The following NUP188 variants were observed in gnomAD, a reference collection of about 807,000 sequenced individuals.
NUP188 encodes nucleoporin NUP188.
NUP188 carries 97 observed loss-of-function variants against 223.0 expected under a neutral mutation model. The ratio of observed to expected loss-of-function variants is 0.43; its 90% confidence interval spans 0.37 to 0.51. The LOEUF is 0.51. Among genes scored for constraint, NUP188 ranks in the 20% least tolerant of loss-of-function variants. The pLI is 0.00. For missense variants in NUP188, 1,947 were observed against 2,175.6 expected (o/e 0.89, Z 2.09); for synonymous variants, 869 against 828.0 (o/e 1.05, Z -0.85).
intron 1 of NUP188, 57 bp downstream of exon 1, chr9:128,947,808 C>A: frequency 7.5e-7 from 1 of 1,330,002 alleles, no homozygotes. Flanking sequence ...CAAAGCCGAG[C>A]GGAAGCGGGG....
At chr9:128,972,444 A>T (rs994148721) in intron 11 of NUP188, among the ~76,000 whole-genome samples, 1 of 152,218 alleles carries the variant, frequency 6.6e-6, no homozygotes, top group South Asian at 2.1e-4. Context: ...GTGGAGCAGG[A>T]GGTCTGAATT....
At chr9:128,990,021 C>T in intron 24 of NUP188, 99 bp from the exon 25 acceptor site, 1 of 906,840 alleles carries the variant, frequency 1.1e-6, no homozygotes, top group Non-Finnish European at 1.8e-6. Flanking sequence ...AGGGTAAATT[C>T]CTTCACATAC....
chr9:129,006,100 G>A lies in NUP188; in HGVS notation c.4920G>A (p.Gln1640=). Residue 1640 remains glutamine, a synonymous_variant, in exon 42 of 44, where the codon CAG becomes CAA. Coordinates refer to ENST00000372577, the MANE Select transcript of NUP188 (RefSeq NM_015354.3). Reference sequence around the variant, plus strand: ...CCCAGGCAGTGGGGCTCAGCACACAGGCAGAAGGGACCAGGACGTTAAAGT... The same window carrying A: ...CCCAGGCAGTGGGGCTCAGCACACAAGCAGAAGGGACCAGGACGTTAAAGT... ...PLTQAVGLST[Q]AEGTRTLKSL... is the part of the protein sequence containing the mutation. 2 of 1,614,192 alleles carry A rather than the reference G, an allele frequency of 1.2e-6. No homozygotes were observed. The highest frequency in any genetic ancestry group is 2.2e-5 in the South Asian group (2 of 91,088).
rs750496557 is a variant in NUP188 at position 128,986,697 on chromosome 9, G to C, written c.2197+19G>C. The C allele has an allele frequency of 9.3e-6, 15 of 1,614,058 alleles. No individual in the cohort carries two copies. The highest frequency in any genetic ancestry group is 1.7e-5 in the Admixed American group (1 of 60,016). ...CAGATTGGTAAGGACAGCATGGGCA[G>C]GGAAGACCTGGGGATTTCTGGCCCC... On this transcript the variant is annotated intron_variant, in intron 21 of 43. Coordinates refer to ENST00000372577, the MANE Select transcript of NUP188 (RefSeq NM_015354.3).
At chr9:128,986,050 A>G (rs1032241708) in intron 20 of NUP188, among the ~76,000 whole-genome samples, 1 of 152,174 alleles carries the variant, frequency 6.6e-6, no homozygotes, top group Admixed American at 6.5e-5. Flanking sequence ...GGGGGCGAAA[A>G]AAAAGATTGC....
At position 128,982,883 on chromosome 9, in the gene NUP188, AG is replaced by A; in HGVS notation, c.1670-17del. 6.2e-7 allele frequency: 1 copy of A among 1,614,078 alleles called. No homozygotes were observed. The highest frequency in any genetic ancestry group is 8.5e-7 in the Non-Finnish European group (1 of 1,179,968). Reference sequence around the variant, plus strand: ...AAGGGGTTGTTTGCCGTGAGGTCACAGGCTGTCTTTCTTCTCAGATGTGATT... The same window carrying A: ...AAGGGGTTGTTTGCCGTGAGGTCACAGCTGTCTTTCTTCTCAGATGTGATT... On this transcript the variant is annotated intron_variant, in intron 16 of 43. Coordinates refer to ENST00000372577, the MANE Select transcript of NUP188 (RefSeq NM_015354.3).
Position 128,980,594 on chromosome 9 carries a change from C to T in NUP188, c.1270-12C>T, listed in dbSNP as rs1384956343. On this transcript the variant is annotated splice_polypyrimidine_tract_variant and intron_variant, in intron 13 of 43. Transcript: ENST00000372577. ...AATGTGAAGATCAGTGATTTGTCCC[C>T]TTCCACCACAGGAGCCAACTTCTGG... The T allele has an allele frequency of 1.9e-6, 3 of 1,606,662 alleles. No individual in the cohort carries two copies. The highest frequency in any genetic ancestry group is 1.3e-5 in the African/African-American group (1 of 74,676).
Position 128,986,633 on chromosome 9 carries a change from T to C in NUP188, c.2152T>C (p.Tyr718His), listed in dbSNP as rs1381092232. 1.9e-6 allele frequency: 3 copies of C among 1,614,058 alleles called. No individual in the cohort carries two copies. The African/African-American group carries it at 4.0e-5, about 22-fold the overall frequency. The change falls in exon 21 of 44, where the codon TAC becomes CAC. Residue 718 changes from tyrosine to histidine, a missense_variant. Tyr to His is a moderately conservative substitution (Grantham distance 83). Coordinates refer to ENST00000372577, the MANE Select transcript of NUP188 (RefSeq NM_015354.3). ...MFVLKEMLPS[Y>H]HKWRYNSHGV... ...TGTGCTGAAGGAGATGCTTCCCAGC[T>C]ACCATAAGTGGCGCTACAACTCTCA...
chr9:128,987,993 T>C (rs1346094457), intron 23 of NUP188, 54 bp from the exon 24 acceptor site: 1 of 1,586,144 alleles, frequency 6.3e-7, no homozygotes, highest in Admixed American at 1.7e-5. Context: ...GCACATATAT[T>C]GCGAATGAAG....
intron 3 of NUP188, among the ~76,000 whole-genome samples, chr9:128,956,102 C>T (rs1367612910): frequency 6.6e-6 from 1 of 151,368 alleles, no homozygotes; most frequent in African/African-American, 2.4e-5. Flanking sequence ...ATTGTTATAA[C>T]TGTAATTTAA....
At chr9:128,996,109 A>C (rs1842520737) in intron 30 of NUP188, among the ~76,000 whole-genome samples, 1 of 150,962 alleles carries the variant, frequency 6.6e-6, no homozygotes, top group Non-Finnish European at 1.5e-5. Context: ...TATCATAAGG[A>C]CTTGGTATTG....
In NUP188 at chr9:128,974,592, C is replaced by T. The variant is rs1319174618; in HGVS notation, c.1203+1343C>T. ...AGAAGACAAAATTACATAATGAACC[C>T]CATGAGCCCATCACCAGCTTCTACC... On this transcript the variant is annotated intron_variant, in intron 12 of 43. Transcript: ENST00000372577. 2.0e-5 allele frequency among the ~76,000 whole-genome samples: 3 copies of T among 151,910 alleles called. No homozygotes were observed. In the East Asian group the frequency reaches 5.8e-4, roughly 29 times the overall value.
chr9:129,006,407 GGCCAGAGCCCTGTGGGGTCCT>G (rs1842805543), intron 43 of NUP188, 39 bp downstream of exon 43: 17 of 1,614,024 alleles, frequency 1.1e-5, no homozygotes, highest in Non-Finnish European at 1.3e-5. Context: ...GGACCAATAG[GGCCAGAGCCCTGTGGGGTCCT>G]GCCTGGCAAC....
intron 2 of NUP188, among the ~76,000 whole-genome samples, chr9:128,952,117 A>G (rs968865623): frequency 6.6e-6 from 1 of 152,078 alleles, no homozygotes; most frequent in African/African-American, 2.4e-5. Flanking sequence ...ATAAAACTGC[A>G]TTTGGGCCGG....
In NUP188 at chr9:128,967,659, A is replaced by G. The variant is rs1054508043; in HGVS notation, c.586-847A>G. Among the ~76,000 whole-genome samples, 112 of 152,030 alleles carry G rather than the reference A, an allele frequency of 7.4e-4. 1 individual carries two copies. Among genetic ancestry groups the G allele is most frequent in the Admixed American group, 7.4e-3 (112 of 15,236 alleles). ...AAAAAAATCAGCCGGGCGTGGTGGCAGGCGCCTGTAATCCCAGCTACTCGG... is the reference window on the plus strand; with the variant it reads ...AAAAAAATCAGCCGGGCGTGGTGGCGGGCGCCTGTAATCCCAGCTACTCGG... On this transcript the variant is annotated intron_variant, in intron 8 of 43. Transcript: ENST00000372577.
At chr9:128,961,585 T>TAGATAG (rs1564551915) in intron 8 of NUP188, among the ~76,000 whole-genome samples, 460 of 122,990 alleles carry the variant, frequency 3.7e-3, no homozygotes, top group African/African-American at 0.02. Context: ...TATCTATCTA[T>TAGATAG]CTATCTAGAT....
At chr9:128,988,944 G>A (rs1381875230) in intron 24 of NUP188, among the ~76,000 whole-genome samples, 3 of 151,656 alleles carry the variant, frequency 2.0e-5, no homozygotes, top group Admixed American at 6.6e-5. Flanking sequence ...TGGTAGAGAC[G>A]AGCTTTCGCT....
At chr9:128,956,812 AT>A (rs1350386931) in intron 4 of NUP188, 139 bp from the exon 5 acceptor site, 9 of 583,930 alleles carry the variant, frequency 1.5e-5, no homozygotes, top group African/African-American at 1.5e-4. Context: ...TAGAGTCAGA[AT>A]TGTTATGTTT....
At chr9:128,957,951 T>C (rs1841894636) in intron 5 of NUP188, 59 bp from the exon 6 acceptor site, 2 of 1,281,840 alleles carry the variant, frequency 1.6e-6, no homozygotes, top group Admixed American at 4.1e-5. Context: ...TCTATCTTTT[T>C]TTATTACTTG....
Sources: allele counts gnomAD v4.1 joint callset (sites outside exome capture counted in the v4.1 genomes callset), GRCh38; gene constraint gnomAD v4.1.1; transcripts MANE v1.5; gene names NCBI Gene and HGNC (gene_info 2026-07-23, HGNC 2026-07-21).